NBAS: variants seen among roughly 807,000 people sequenced by gnomAD.
NBAS encodes NBAS subunit of NRZ tethering complex, also known as NAG/BC035112 fusion.
Under a neutral mutation model 302.5 loss-of-function variants are expected in NBAS, and 219 were observed. That is an observed-to-expected ratio of 0.72 (90% CI 0.65 to 0.81). The LOEUF (loss-of-function observed/expected upper bound fraction) is 0.81. NBAS is among the 30% of genes least tolerant of loss of function. The pLI is 0.00. For missense variants in NBAS, 2,932 were observed against 2,841.6 expected (o/e 1.03, Z -0.72); for synonymous variants, 1,118 against 1,021.6 (o/e 1.09, Z -1.80).
the NBAS span, among the ~76,000 whole-genome samples, chr2:15,020,718 T>G: frequency 6.6e-6 from 1 of 152,000 alleles, no homozygotes; most frequent in South Asian, 2.1e-4. Flanking sequence ...GATATGAGAG[T>G]GGCTTTTGTG....
At chr2:15,045,638 T>C in the NBAS span, among the ~76,000 whole-genome samples, 1 of 152,226 alleles carries the variant, frequency 6.6e-6, no homozygotes, top group Non-Finnish European at 1.5e-5. Flanking sequence ...GTTGTTTCCA[T>C]GCCTTGGCTA....
At chr2:14,981,169 C>T in the NBAS span, among the ~76,000 whole-genome samples, 2 of 152,042 alleles carry the variant, frequency 1.3e-5, no homozygotes, top group African/African-American at 2.4e-5. Flanking sequence ...AGTGACCCAG[C>T]ACAATAAATG....
At chr2:15,410,475 A>G (rs188640602) in intron 25 of NBAS, among the ~76,000 whole-genome samples, 118 of 152,290 alleles carry the variant, frequency 7.7e-4, no homozygotes, top group African/African-American at 2.8e-3. Context: ...AAAAAAAATT[A>G]TTTCATCCCT....
the NBAS span, among the ~76,000 whole-genome samples, chr2:14,920,010 C>A: frequency 1.3e-5 from 2 of 152,148 alleles, no homozygotes; most frequent in Non-Finnish European, 2.9e-5. Flanking sequence ...CCTTCCAGAA[C>A]GTTTTCAATT....
At chr2:14,807,443 G>A in the NBAS span, among the ~76,000 whole-genome samples, 1 of 119,324 alleles carries the variant, frequency 8.4e-6, no homozygotes, top group Admixed American at 8.0e-5. Context: ...CAAATCCCGT[G>A]TGTGTGTGTG....
At chr2:14,861,349 G>C in the NBAS span, among the ~76,000 whole-genome samples, 1 of 152,168 alleles carries the variant, frequency 6.6e-6, no homozygotes, top group Non-Finnish European at 1.5e-5. Context: ...GTGCATTCTC[G>C]AAGGAGCCAC....
At chr2:15,142,094 G>A in the NBAS span, among the ~76,000 whole-genome samples, 1 of 152,162 alleles carries the variant, frequency 6.6e-6, no homozygotes, top group Non-Finnish European at 1.5e-5. Flanking sequence ...CTCCACCCAC[G>A]TGTTGGGGGA....
In NBAS at chr2:15,179,107, C is replaced by G. The variant is rs1664697423; in HGVS notation, c.6721G>C (p.Glu2241Gln). The G allele has an allele frequency of 6.2e-7, 1 of 1,614,038 alleles. No homozygotes were observed. Among genetic ancestry groups the G allele is most frequent in the Non-Finnish European group, 8.5e-7 (1 of 1,180,044 alleles). Residue 2241 changes from glutamate to glutamine, a missense_variant, in exon 51 of 52, where the codon GAG becomes CAG. Transcript: ENST00000281513. ...KQMLPAEGVK[E>Q]LCLLLLNQSL... ...TGGTTAAGCAGCAGCAGACACAGCT[C>G]CTTCACACCCTGAAACCACAGAGCA...
chr2:14,962,795 C>T, the NBAS span, among the ~76,000 whole-genome samples: 1 of 152,014 alleles, frequency 6.6e-6, no homozygotes, highest in African/African-American at 2.4e-5. Context: ...AACAGGCCTG[C>T]ATTTTAGGAC....
At chr2:14,992,517 T>A in the NBAS span, among the ~76,000 whole-genome samples, 1 of 152,238 alleles carries the variant, frequency 6.6e-6, no homozygotes, top group Non-Finnish European at 1.5e-5. Flanking sequence ...TACAGTCACA[T>A]TTTGTTGGAC....
chr2:15,494,777 T>C (rs1681003800), intron 11 of NBAS, among the ~76,000 whole-genome samples: 1 of 152,122 alleles, frequency 6.6e-6, no homozygotes, highest in Admixed American at 6.5e-5. Flanking sequence ...TTAGGATAAA[T>C]AGAAATCTAG....
rs1243414330 is a variant in NBAS, at chr2:15,539,284, T to G, written c.452A>C (p.Glu151Ala). Residue 151 changes from glutamate to alanine, a missense_variant, in exon 7 of 52, where the codon GAA becomes GCA. By Grantham distance (107) the Glu-to-Ala change is moderately radical. Coordinates refer to ENST00000281513, the MANE Select transcript of NBAS (RefSeq NM_015909.4). The stretch of plus-strand genomic sequence containing the variant: ...AAACACCCTCACAGTTCCTGTGCTT[T>G]CGGCATAGGCCAGTAGGGTACAATC... ...SYDCTLLAYA[E>A]STGTVRVFDL... The G allele has an allele frequency of 6.2e-7, 1 of 1,614,250 alleles. No homozygotes were observed. The highest frequency in any genetic ancestry group is 1.7e-5 in the Admixed American group (1 of 60,034).
At position 15,424,319 on chromosome 2, in the gene NBAS, C is replaced by G. The variant is rs775595422; in HGVS notation, c.2573G>C (p.Arg858Pro). Residue 858 changes from arginine (R) to proline (P), a missense_variant, in exon 23 of 52, where the codon CGG (arginine) becomes CCG (proline). By Grantham distance (103) the Arg-to-Pro change is moderately radical. Transcript: ENST00000281513. ...TRAEEIEHYARQVDCALSLIR... is the reference protein window; with the variant it reads ...TRAEEIEHYAPQVDCALSLIR... ...GCAGCTGCCATTTCCCCTCACCTGC[C>G]GAGCATAATGCTCTATTTCCTCTGC... 7.4e-6 allele frequency: 12 copies of G among 1,613,908 alleles called. No individual in the cohort carries two copies. Among genetic ancestry groups the G allele is most frequent in the African/African-American group, 1.3e-5 (1 of 74,922 alleles).
At position 15,523,405 on chromosome 2, in the gene NBAS, C is replaced by G. The variant is rs149644231; in HGVS notation, c.746+11138G>C. ...TTTTCTTGTCATTCTCTAAACAATA[C>G]AGTATGACAACTATTTATAGAGCAT... On this transcript the variant is annotated intron_variant, in intron 9 of 51. Coordinates refer to ENST00000281513, the MANE Select transcript of NBAS (RefSeq NM_015909.4). Among the ~76,000 whole-genome samples, 775 of 152,204 alleles carry G rather than the reference C, an allele frequency of 5.1e-3. 2 individuals carry two copies. Among genetic ancestry groups the G allele is most frequent in the African/African-American group, 0.017 (689 of 41,518 alleles).
At chr2:14,929,799 C>T in the NBAS span, among the ~76,000 whole-genome samples, 1 of 152,234 alleles carries the variant, frequency 6.6e-6, no homozygotes, top group Non-Finnish European at 1.5e-5. Flanking sequence ...AGCTCAGTAA[C>T]ACCAGTCATA....
At chr2:15,414,439 T>G (rs1676822806) in intron 25 of NBAS, among the ~76,000 whole-genome samples, 1 of 152,188 alleles carries the variant, frequency 6.6e-6, no homozygotes, top group Non-Finnish European at 1.5e-5. Flanking sequence ...CCAACTTGCT[T>G]GCATACCCTC....
At chr2:14,918,159 T>C in the NBAS span, among the ~76,000 whole-genome samples, 1 of 152,114 alleles carries the variant, frequency 6.6e-6, no homozygotes, top group Non-Finnish European at 1.5e-5. Context: ...AGTCATTTTA[T>C]CAACAATACA....
chr2:15,205,686 G>A (rs149839905), intron 48 of NBAS, among the ~76,000 whole-genome samples: 212 of 152,258 alleles, frequency 1.4e-3, no homozygotes, highest in African/African-American at 4.2e-3. Context: ...CCTGGTGGGA[G>A]GTGACTGAGT....
At chr2:15,469,916 C>A (rs1025130767) in intron 16 of NBAS, among the ~76,000 whole-genome samples, 16 of 151,636 alleles carry the variant, frequency 1.1e-4, no homozygotes, top group Non-Finnish European at 1.8e-4. Context: ...CAGCACACCA[C>A]CATGGCACAT....
Sources: gnomAD v4.1 joint callset for allele counts (sites outside exome capture counted in the v4.1 genomes callset) on GRCh38, gnomAD v4.1.1 for gene constraint, MANE v1.5 for transcripts, NCBI Gene and HGNC (gene_info 2026-07-23, HGNC 2026-07-21) for gene names.